HIVEP3: variants seen among roughly 807,000 people sequenced by gnomAD.
HIVEP3 encodes transcription factor HIVEP3.
In HIVEP3, 49 loss-of-function variants were observed where a neutral mutation model predicts 152.8. The observed-to-expected ratio is 0.32, with a 90% CI of 0.26 to 0.41. The LOEUF (loss-of-function observed/expected upper bound fraction) is 0.41, where lower values mean the gene tolerates loss of function less well. HIVEP3 is among the 10% of genes least tolerant of loss of function. HIVEP3 has a pLI of 1.00. For missense variants in HIVEP3, 2,790 were observed against 3,103.3 expected (o/e 0.90, Z 2.40); for synonymous variants, 1,269 against 1,289.0 (o/e 0.98, Z 0.33).
At chr1:41,763,228 C>G (rs78281390) in intron 1 of HIVEP3, among the ~76,000 whole-genome samples, 7,925 of 152,300 alleles carry the variant, frequency 0.052, 251 homozygotes, top group Middle Eastern at 0.14. Context: ...ATGCTGCTGA[C>G]AGTCCACCCC....
intron 1 of HIVEP3, among the ~76,000 whole-genome samples, chr1:41,885,572 T>C (rs954354653): frequency 6.6e-6 from 1 of 152,130 alleles, no homozygotes; most frequent in South Asian, 2.1e-4. Flanking sequence ...GGCTGAGGCA[T>C]GAGAATCACT....
At chr1:42,032,876 T>C (rs1055398682) in intron 1 of HIVEP3, among the ~76,000 whole-genome samples, 1 of 152,176 alleles carries the variant, frequency 6.6e-6, no homozygotes, top group African/African-American at 2.4e-5. Context: ...GCTTTCACTC[T>C]GACAATTGAT....
chr1:41,959,839 T>C (rs1645159855), intron 1 of HIVEP3, among the ~76,000 whole-genome samples: 1 of 152,138 alleles, frequency 6.6e-6, no homozygotes, highest in African/African-American at 2.4e-5. Context: ...AATTAAGTTA[T>C]AGCTGCTACC....
chr1:41,710,749 CGT>C (rs1558199869), intron 1 of HIVEP3, among the ~76,000 whole-genome samples: 1 of 152,200 alleles, frequency 6.6e-6, no homozygotes, highest in East Asian at 1.9e-4. Flanking sequence ...TGTGTCCTGC[CGT>C]GGCCTCACAC....
At chr1:41,938,907 G>C (rs1014228855) in intron 1 of HIVEP3, among the ~76,000 whole-genome samples, 2 of 152,190 alleles carry the variant, frequency 1.3e-5, no homozygotes, top group African/African-American at 2.4e-5. Flanking sequence ...TTGAAATGCT[G>C]CTGTTCATAT....
intron 2 of HIVEP3, among the ~76,000 whole-genome samples, chr1:41,688,995 C>T (rs1454110941): frequency 1.3e-5 from 2 of 152,198 alleles, no homozygotes; most frequent in Non-Finnish European, 2.9e-5. Context: ...ACCTTAACCT[C>T]AGCACTTAGG....
intron 5 of HIVEP3, among the ~76,000 whole-genome samples, chr1:41,537,891 A>G (rs1643437235): frequency 6.6e-6 from 1 of 152,234 alleles, no homozygotes; most frequent in Non-Finnish European, 1.5e-5. Flanking sequence ...TCTCTGTTCT[A>G]AACAGCGACG....
At chr1:41,960,258 C>T (rs576025724) in intron 1 of HIVEP3, among the ~76,000 whole-genome samples, 4 of 152,136 alleles carry the variant, frequency 2.6e-5, no homozygotes. Context: ...CCAACTGCAA[C>T]CATGGAGACG....
At position 41,506,600 on chromosome 1, in the gene HIVEP3, T is replaced by TG. The variant is rs1245478364; in HGVS notation, c.*3850_*3851insC. ...ACCTGCGTGGATTTTTGTTTTTTTT[T>TG]TTTGTTTGTTTCTGTTTTGTTTTTT... On this transcript the variant is annotated 3_prime_UTR_variant, in exon 9 of 9. Coordinates refer to ENST00000372583, the MANE Select transcript of HIVEP3 (RefSeq NM_024503.5). 1 of 33,970 alleles carries TG rather than the reference T, an allele frequency of 2.9e-5. No individual in the cohort carries two copies. The highest frequency in any genetic ancestry group is 4.9e-5 in the African/African-American group (1 of 20,242). 2.1% of individuals were successfully genotyped at this position (33,970 alleles called of 1,614,324 possible).
intron 3 of HIVEP3, among the ~76,000 whole-genome samples, chr1:41,606,377 A>AT (rs1328903183): frequency 2.0e-5 from 3 of 151,948 alleles, no homozygotes; most frequent in Non-Finnish European, 4.4e-5. Flanking sequence ...GATTTTTGTT[A>AT]TATGTTATTG....
intron 5 of HIVEP3, among the ~76,000 whole-genome samples, chr1:41,528,165 C>T: frequency 6.9e-6 from 1 of 145,728 alleles, no homozygotes; most frequent in African/African-American, 2.6e-5. Context: ...CACTTGCCCT[C>T]ACACTCCACA....
intron 1 of HIVEP3, among the ~76,000 whole-genome samples, chr1:41,910,326 T>C (rs1259283712): frequency 1.3e-5 from 2 of 151,900 alleles, no homozygotes; most frequent in Non-Finnish European, 2.9e-5. Flanking sequence ...TATGGATAAA[T>C]TTCTAGAAAA....
chr1:41,836,346 G>A (rs1012595748), intron 1 of HIVEP3, among the ~76,000 whole-genome samples: 2 of 152,220 alleles, frequency 1.3e-5, no homozygotes, highest in African/African-American at 4.8e-5. Flanking sequence ...AGAAGGACAG[G>A]CAGAGAGCAC....
intron 1 of HIVEP3, among the ~76,000 whole-genome samples, chr1:41,729,436 C>CA (rs1646805481): frequency 6.6e-6 from 1 of 152,252 alleles, no homozygotes; most frequent in Non-Finnish European, 1.5e-5. Context: ...GTCACTGCCT[C>CA]ACTCCCTCAA....
chr1:41,583,417 C>A lies in HIVEP3; in HGVS notation c.1381G>T (p.Val461Leu). ...ATGAGCTTCGTGATGTGCTCGATCA[C>A]CTGCGTCCGGGGTACAGACAAAGGC... The part of the protein sequence containing the change: ...LVPLSVPRTQ[V>L]IEHITKLITI... The change falls in exon 4 of 9, where the codon GTG becomes TTG. Residue 461 changes from valine (V) to leucine (L), a missense_variant. Around this residue, in one of 9 missense-constraint regions of HIVEP3, gnomAD observed 134 missense variants for 242.5 expected, o/e 0.55. Transcript: ENST00000372583. The surrounding 1 kb of genome is among the most constrained non-coding windows in gnomAD (Gnocchi z 6.9). The A allele has an allele frequency of 6.2e-7, 1 of 1,613,932 alleles. No individual in the cohort carries two copies. The highest frequency in any genetic ancestry group is 8.5e-7 in the Non-Finnish European group (1 of 1,179,990).
intron 2 of HIVEP3, among the ~76,000 whole-genome samples, chr1:41,649,485 T>A (rs972644313): frequency 1.3e-5 from 2 of 152,260 alleles, no homozygotes; most frequent in African/African-American, 4.8e-5. Flanking sequence ...AATACACGAA[T>A]CCTTGAACAT....
chr1:41,648,955 G>C (rs1198933686), intron 2 of HIVEP3, among the ~76,000 whole-genome samples: 1 of 152,246 alleles, frequency 6.6e-6, no homozygotes, highest in African/African-American at 2.4e-5. Flanking sequence ...TGATGGCTTG[G>C]TAGCTCAAGT....
intron 1 of HIVEP3, among the ~76,000 whole-genome samples, chr1:41,897,170 GA>G (rs1644543084): frequency 6.6e-6 from 1 of 152,206 alleles, no homozygotes; most frequent in African/African-American, 2.4e-5. Flanking sequence ...CGAGAATGGT[GA>G]AGGTCAGTGG....
At chr1:41,567,354 C>G (rs933958546) in intron 5 of HIVEP3, among the ~76,000 whole-genome samples, 6 of 152,206 alleles carry the variant, frequency 3.9e-5, no homozygotes, top group African/African-American at 1.2e-4. Context: ...CTGACAACCA[C>G]TACTCCTTCC....
Sources: gnomAD v4.1 joint callset for allele counts (sites outside exome capture counted in the v4.1 genomes callset) on GRCh38, gnomAD v4.1.1 for gene constraint, gnomAD v4.1.1 regional missense constraint, Gnocchi (gnomAD v3.1) non-coding constraint, MANE v1.5 for transcripts, NCBI Gene and HGNC (gene_info 2026-07-23, HGNC 2026-07-21) for gene names.